The following ARHGEF35 variants were observed in gnomAD, a reference collection of about 807,000 sequenced individuals.
ARHGEF35 encodes Rho guanine nucleotide exchange factor (GEF) 35.
For missense variants in ARHGEF35, 114 were observed against 449.7 expected (o/e 0.25, Z 6.75); for synonymous variants, 47 against 170.4 (o/e 0.28, Z 5.64).
chr7:144,192,320 C>CCAAA (rs1281101794), intron 1 of ARHGEF35, among the ~76,000 whole-genome samples: 3 of 81,346 alleles, frequency 3.7e-5, no homozygotes, highest in African/African-American at 1.8e-4. Flanking sequence ...CCTGACATAA[C>CCAAA]CAAACAGGCA....
In ARHGEF35 at chr7:144,187,124, G is replaced by A. The variant is rs770074593; in HGVS notation, c.1260C>T (p.Asp420=). The A allele has an allele frequency of 4.4e-5, 68 of 1,528,728 alleles. 15 individuals are homozygous for A. Among genetic ancestry groups the A allele is most frequent in the Non-Finnish European group, 6.1e-5 (68 of 1,115,178 alleles). 94.7% of individuals were successfully genotyped at this position (1,528,728 alleles called of 1,614,324 possible). A position where few individuals can be genotyped will look rare whatever the true frequency, so the allele number is the denominator to read the frequency against. ...CGAGATATGAGGCACCTGGAAACAG[G>A]TCACAGTGAGGAGAGTCCTCAGGGG... ...LIAPEDSPHC[D]LFPGASYLVT... is the part of the protein sequence containing the mutation. Residue 420 remains aspartate (D), a synonymous_variant, in exon 2 of 2, where the codon GAC becomes GAT. Transcript: ENST00000378115.
rs2051962963 is a variant in ARHGEF35, at chr7:144,187,050, G to C, written c.1334C>G (p.Ser445Cys). ...TQTESRAEELSPAALSPLLEP... is the reference protein window; with the variant it reads ...TQTESRAEELCPAALSPLLEP... ...TAGCAAGGGAGACAGAGCTGCGGGG[G>C]ACAGTTCCTCAGCCCTGGACTCTGT... is the stretch of plus-strand genomic sequence containing the variant. The change falls in exon 2 of 2, where the codon TCC becomes TGC. Residue 445 changes from serine to cysteine, a missense_variant. By Grantham distance (112) the Ser-to-Cys change is moderately radical. Transcript: ENST00000378115. 1 of 1,544,434 alleles carries C rather than the reference G, an allele frequency of 6.5e-7. No homozygotes were observed. Among genetic ancestry groups the C allele is most frequent in the South Asian group, 1.1e-5 (1 of 90,608 alleles).
Position 144,186,961 on chromosome 7 carries a change from G to T in ARHGEF35, c.1423C>A (p.Pro475Thr). ...ACTGATAGAAGTTTTTCCTTGTCAG[G>T]TGACTCCTCAGTCAAAAAGGAGCCC... ...LLGSFLTEES[P>T]DKEKLLSVL is the part of the protein sequence containing the mutation. Residue 475 changes from proline to threonine, a missense_variant, in exon 2 of 2, where the codon CCT becomes ACT. Coordinates refer to ENST00000378115, the MANE Select transcript of ARHGEF35 (RefSeq NM_001003702.3). The T allele has an allele frequency of 1.3e-6, 2 of 1,532,308 alleles. No homozygotes were observed. Among genetic ancestry groups the T allele is most frequent in the South Asian group, 2.2e-5 (2 of 89,608 alleles). The allele number at this position is 1,532,308 out of a possible 1,614,324, so 94.9% of individuals were successfully genotyped here.
chr7:144,189,833 G>A (rs1219707040), intron 1 of ARHGEF35, among the ~76,000 whole-genome samples: 1 of 121,680 alleles, frequency 8.2e-6, no homozygotes, highest in African/African-American at 3.4e-5. Context: ...TTGAGATGGA[G>A]TCTTGCTCTG....
At position 144,186,754 on chromosome 7, in the gene ARHGEF35, T is replaced by C. The variant is rs1390296113; in HGVS notation, c.*175A>G. The stretch of plus-strand genomic sequence containing the variant: ...AGAGATAGTAATCATCCAGAGCAGA[T>C]GAAAACCAGAAATCATTGTAGGGAA... On this transcript the variant is annotated 3_prime_UTR_variant, in exon 2 of 2. Coordinates refer to ENST00000378115, the MANE Select transcript of ARHGEF35 (RefSeq NM_001003702.3). The C allele has an allele frequency of 4.6e-6, 3 of 650,242 alleles. No homozygotes were observed. The East Asian group carries it at 8.4e-5, about 18-fold the overall frequency. The allele number at this position is 650,242 out of a possible 1,614,324, so 40.3% of individuals were successfully genotyped here.
chr7:144,193,829 A>G (rs2052020643), intron 1 of ARHGEF35, among the ~76,000 whole-genome samples: 1 of 144,890 alleles, frequency 6.9e-6, no homozygotes, highest in African/African-American at 2.6e-5. Context: ...CACAGATAAC[A>G]TTAGTGTGAG....
At chr7:144,191,097 C>T (rs1421358178) in intron 1 of ARHGEF35, among the ~76,000 whole-genome samples, 6 of 111,564 alleles carry the variant, frequency 5.4e-5, no homozygotes, top group South Asian at 6.4e-4. Flanking sequence ...CCGTCTCGCC[C>T]GGGCCACTGC....
intron 1 of ARHGEF35, among the ~76,000 whole-genome samples, chr7:144,189,868 G>A (rs529946230): frequency 2.3e-5 from 3 of 128,896 alleles, no homozygotes; most frequent in African/African-American, 9.3e-5. Flanking sequence ...GTGCCGTGGT[G>A]CAATCTTGGG....
chr7:144,190,195 CAATTAT>C (rs1376183964), intron 1 of ARHGEF35, among the ~76,000 whole-genome samples: 3 of 110,558 alleles, frequency 2.7e-5, no homozygotes, highest in African/African-American at 1.1e-4. Flanking sequence ...AGCATTTATA[CAATTAT>C]AATTATATAA....
In ARHGEF35 at chr7:144,189,810, T is replaced by C. The variant is rs1417139865; in HGVS notation, c.-12-1415A>G. Among the ~76,000 whole-genome samples the C allele has an allele frequency of 2.5e-4, 7 of 27,966 alleles. No homozygotes were observed. In the South Asian group the frequency reaches 4.8e-3, roughly 19 times the overall value. The allele number at this position is 27,966 out of a possible 152,430, so 18.3% of individuals were successfully genotyped here. On this transcript the variant is annotated intron_variant, in intron 1 of 1. Coordinates refer to ENST00000378115, the MANE Select transcript of ARHGEF35 (RefSeq NM_001003702.3). ...CTCCAGTCTTTTTTTTTCTTTCTTTTTTTTTTTTTTTTTTGAGATGGAGTC... is the reference window on the plus strand; with the variant it reads ...CTCCAGTCTTTTTTTTTCTTTCTTTCTTTTTTTTTTTTTTGAGATGGAGTC...
At position 144,187,042 on chromosome 7, in the gene ARHGEF35, C is replaced by T. The variant is rs769564833; in HGVS notation, c.1342G>A (p.Ala448Thr). ...ESRAEELSPA[A>T]LSPLLEPIRC... ...ATGGGCTCTAGCAAGGGAGACAGAG[C>T]TGCGGGGGACAGTTCCTCAGCCCTG... Residue 448 changes from alanine to threonine, a missense_variant, in exon 2 of 2, where the codon GCT becomes ACT. Ala to Thr is a moderately conservative substitution (Grantham distance 58). Transcript: ENST00000378115. The T allele has an allele frequency of 5.2e-6, 8 of 1,544,806 alleles. No homozygotes were observed. In the East Asian group the frequency reaches 1.6e-4, roughly 30 times the overall value.
rs2051948312 is a variant in ARHGEF35, at chr7:144,186,194, G to C, written c.*735C>G. On this transcript the variant is annotated 3_prime_UTR_variant, in exon 2 of 2. Transcript: ENST00000378115. ...GTGGGAGTTTTATATATGTAATCTT[G>C]CAGGTGAGGAGGCTTTAAATTCTAA... 1 of 160,146 alleles carries C rather than the reference G, an allele frequency of 6.2e-6. No homozygotes were observed. The highest frequency in any genetic ancestry group is 1.2e-5 in the Non-Finnish European group (1 of 82,068). The allele number at this position is 160,146 out of a possible 1,614,324, so 9.9% of individuals were successfully genotyped here. A position where few individuals can be genotyped will look rare whatever the true frequency, so the allele number is the denominator to read the frequency against.
chr7:144,187,022 C>G lies in ARHGEF35; in HGVS notation c.1362G>C (p.Glu454Asp), dbSNP rs777105286. 12 of 1,545,704 alleles carry G rather than the reference C, an allele frequency of 7.8e-6. 1 individual carries two copies. The African/African-American group carries it at 1.5e-4, about 20-fold the overall frequency. ...LSPAALSPLL[E>D]PIRCSHQPIS... The stretch of plus-strand genomic sequence containing the variant: ...TGGGCTGGTGAGAGCATCTGATGGG[C>G]TCTAGCAAGGGAGACAGAGCTGCGG... Residue 454 changes from glutamate to aspartate, a missense_variant, in exon 2 of 2, where the codon GAG becomes GAC. Physicochemically the swap from Glu to Asp is conservative, Grantham distance 45. Transcript: ENST00000378115.
chr7:144,193,860 A>C (rs576836220), intron 1 of ARHGEF35, among the ~76,000 whole-genome samples: 165 of 144,710 alleles, frequency 1.1e-3, no homozygotes, highest in Middle Eastern at 6.9e-3. Flanking sequence ...GTGTATTAAC[A>C]TAGACCTTGA....
At chr7:144,192,230 T>TGTACAAACAC (rs763325598) in intron 1 of ARHGEF35, among the ~76,000 whole-genome samples, 13 of 62,806 alleles carry the variant, frequency 2.1e-4, no homozygotes, top group African/African-American at 9.5e-4. Flanking sequence ...CCACTGTGTG[T>TGTACAAACAC]ACACACACAC....
At chr7:144,191,345 C>CA (rs2052000829) in intron 1 of ARHGEF35, among the ~76,000 whole-genome samples, 1 of 69,532 alleles carries the variant, frequency 1.4e-5, no homozygotes, top group African/African-American at 7.0e-5. Context: ...CTGCCCCCAT[C>CA]CCCCCCCCCC....
rs2051950009 is a variant in ARHGEF35 at position 144,186,307 on chromosome 7, T to G, written c.*622A>C. 1 of 179,456 alleles carries G rather than the reference T, an allele frequency of 5.6e-6. No homozygotes were observed. Among genetic ancestry groups the G allele is most frequent in the East Asian group, 1.4e-4 (1 of 7,342 alleles). The allele number at this position is 179,456 out of a possible 1,614,324, so 11.1% of individuals were successfully genotyped here. On this transcript the variant is annotated 3_prime_UTR_variant, in exon 2 of 2. Transcript: ENST00000378115. ...ACTTTATGCTTAATTTAATAAATTT[T>G]CATTGATTTTTTTTAAAAAAAGAAA...
At chr7:144,193,765 G>A (rs1330527554) in intron 1 of ARHGEF35, among the ~76,000 whole-genome samples, 6 of 136,122 alleles carry the variant, frequency 4.4e-5, no homozygotes, top group Non-Finnish European at 1.6e-5. Context: ...AACATTATTA[G>A]TGTCAATGCT....
chr7:144,192,243 A>ACT (rs1412007296), intron 1 of ARHGEF35, among the ~76,000 whole-genome samples: 1 of 89,318 alleles, frequency 1.1e-5, no homozygotes, highest in African/African-American at 5.2e-5. Flanking sequence ...ACACACACAC[A>ACT]CACACACACA....
Sources: allele counts gnomAD v4.1 joint callset (sites outside exome capture counted in the v4.1 genomes callset), GRCh38; gene constraint gnomAD v4.1.1; transcripts MANE v1.5; gene names NCBI Gene and HGNC (gene_info 2026-07-23, HGNC 2026-07-21).